USP16: variants seen among roughly 807,000 people sequenced by gnomAD.
USP16 encodes ubiquitin specific peptidase 16, also known as ubiquitin carboxyl-terminal hydrolase 16.
Under a neutral mutation model 95.9 loss-of-function variants are expected in USP16, and 77 were observed. The observed-to-expected ratio is 0.80, with a 90% CI of 0.67 to 0.97. The LOEUF is 0.97. USP16 is among the 50% of genes least tolerant of loss of function. USP16 has a pLI of 0.00. For missense variants in USP16, 943 were observed against 959.9 expected (o/e 0.98, Z 0.23); for synonymous variants, 303 against 318.2 (o/e 0.95, Z 0.51).
Position 29,039,035 on chromosome 21 carries a change from G to C in USP16, c.742G>C (p.Glu248Gln). 6.5e-7 allele frequency: 1 copy of C among 1,537,208 alleles called. No individual in the cohort carries two copies. The highest frequency in any genetic ancestry group is 8.8e-7 in the Non-Finnish European group (1 of 1,142,606). The change falls in exon 8 of 18, where the codon GAA (glutamate) becomes CAA (glutamine). Residue 248 changes from glutamate to glutamine, a missense_variant. Coordinates refer to ENST00000399976, the MANE Select transcript of USP16 (RefSeq NM_006447.3). ...PPDLALTEPL[E>Q]INLEPPGPLT... ...CTTTTCCCATATTCAGGAACCATTA[G>C]AAATAAACCTTGAGCCTCCAGGCCC...
At chr21:29,041,946 T>C in intron 10 of USP16, 67 bp from the exon 11 acceptor site, 1 of 1,368,044 alleles carries the variant, frequency 7.3e-7, no homozygotes, top group Non-Finnish European at 1.0e-6. Flanking sequence ...TAAGTAGTTT[T>C]AGCTTTTCTT....
chr21:29,028,860 A>G (rs2085034220), intron 2 of USP16, among the ~76,000 whole-genome samples: 1 of 152,232 alleles, frequency 6.6e-6, no homozygotes, highest in African/African-American at 2.4e-5. Flanking sequence ...TAGTATTATG[A>G]ATGGCTCAGT....
chr21:29,040,602 C>T lies in USP16; in HGVS notation c.952-7C>T. The T allele has an allele frequency of 1.4e-6, 2 of 1,416,558 alleles. No individual in the cohort carries two copies. The highest frequency in any genetic ancestry group is 1.3e-5 in the South Asian group (1 of 78,960). 87.7% of individuals were successfully genotyped at this position (1,416,558 alleles called of 1,614,324 possible). ...TAGTATATATATATCCATTTTATTA[C>T]TTTTAGAGAGTGAGTAAAGGAATAC... On this transcript the variant is annotated splice_region_variant and splice_polypyrimidine_tract_variant and intron_variant, in intron 9 of 17. Coordinates refer to ENST00000399976, the MANE Select transcript of USP16 (RefSeq NM_006447.3).
chr21:29,053,690 G>A, intron 16 of USP16, 112 bp from the exon 17 acceptor site: 1 of 1,059,228 alleles, frequency 9.4e-7, no homozygotes, highest in Non-Finnish European at 1.4e-6. Context: ...AATGATTTCT[G>A]CACTCTCAAA....
chr21:29,047,132 G>A lies in USP16; in HGVS notation c.1822G>A (p.Val608Ile). ...SHTPGTKVYEVVNEDPETAFC... is the reference protein window; with the variant it reads ...SHTPGTKVYEIVNEDPETAFC... ...TACTCCTGGAACAAAGGTGTATGAG[G>A]TTGTAAATGAAGATCCAGAAACTGC... Residue 608 changes from valine to isoleucine, a missense_variant, in exon 14 of 18, where the codon GTT (valine) becomes ATT (isoleucine). Val to Ile is a conservative substitution (Grantham distance 29, BLOSUM62 3). Coordinates refer to ENST00000399976, the MANE Select transcript of USP16 (RefSeq NM_006447.3). 1.2e-6 allele frequency: 2 copies of A among 1,614,088 alleles called. No homozygotes were observed. The highest frequency in any genetic ancestry group is 1.7e-6 in the Non-Finnish European group (2 of 1,180,006).
chr21:29,028,153 G>C (rs144699960), intron 2 of USP16, among the ~76,000 whole-genome samples, 179 bp downstream of exon 2: 1 of 140,796 alleles, frequency 7.1e-6, no homozygotes, highest in Admixed American at 7.4e-5. Context: ...AAAGAATCTC[G>C]CTCTGTTGCC....
In USP16 at chr21:29,039,040, A is replaced by C. The variant is rs2085204057; in HGVS notation, c.747A>C (p.Ile249=). The C allele has an allele frequency of 6.5e-7, 1 of 1,543,698 alleles. No homozygotes were observed. Among genetic ancestry groups the C allele is most frequent in the Non-Finnish European group, 8.7e-7 (1 of 1,145,654 alleles). ...CCCATATTCAGGAACCATTAGAAAT[A>C]AACCTTGAGCCTCCAGGCCCTCTTA... The part of the protein sequence containing the change: ...PDLALTEPLE[I]NLEPPGPLTL... The change falls in exon 8 of 18, where the codon ATA becomes ATC. Residue 249 remains isoleucine, a synonymous_variant. Coordinates refer to ENST00000399976, the MANE Select transcript of USP16 (RefSeq NM_006447.3).
In USP16 at chr21:29,036,154, C is replaced by T. The variant is rs535107984; in HGVS notation, c.345-117C>T. 35 of 778,978 alleles carry T rather than the reference C, an allele frequency of 4.5e-5. No homozygotes were observed. In the East Asian group the frequency reaches 4.6e-4, roughly 10 times the overall value. 48.3% of individuals were successfully genotyped at this position (778,978 alleles called of 1,614,324 possible). On this transcript the variant is annotated intron_variant, in intron 4 of 17. Coordinates refer to ENST00000399976, the MANE Select transcript of USP16 (RefSeq NM_006447.3). ...TTCAGGAAAACAGAATTTTTACGTT[C>T]GGTTTCTTTAATAGAATAAGTTGGC...
intron 7 of USP16, 60 bp downstream of exon 7, chr21:29,038,490 T>C: frequency 8.2e-7 from 1 of 1,226,864 alleles, no homozygotes; most frequent in Admixed American, 1.9e-5. Context: ...GTTTTCTAAA[T>C]TATTTTAAAT....
Position 29,038,535 on chromosome 21 carries a change from T to G in USP16, c.732+105T>G. The G allele has an allele frequency of 1.3e-5, 12 of 934,494 alleles. No homozygotes were observed. The South Asian group carries it at 1.9e-4, about 15-fold the overall frequency. The allele number at this position is 934,494 out of a possible 1,614,324, so 57.9% of individuals were successfully genotyped here. On this transcript the variant is annotated intron_variant, in intron 7 of 17. Coordinates refer to ENST00000399976, the MANE Select transcript of USP16 (RefSeq NM_006447.3). ...TCATTTCCACTGTTTTTGTTTGTTT[T>G]GTTTTACTTTAGGCTACTAACTTAA...
chr21:29,035,760 C>CA (rs890459265), intron 4 of USP16, among the ~76,000 whole-genome samples: 3 of 149,408 alleles, frequency 2.0e-5, no homozygotes, highest in Non-Finnish European at 3.0e-5. Context: ...ACTAAAAATA[C>CA]AAAAAAAAAG....
At chr21:29,029,396 G>C (rs2085045328) in intron 2 of USP16, among the ~76,000 whole-genome samples, 1 of 152,104 alleles carries the variant, frequency 6.6e-6, no homozygotes, top group Non-Finnish European at 1.5e-5. Flanking sequence ...CTGGGCAACA[G>C]AGCAAGACTC....
chr21:29,038,431 G>A lies in USP16; in HGVS notation c.732+1G>A. The stretch of plus-strand genomic sequence containing the variant: ...TGAACCACCTGATTTGGCATTAACA[G>A]TATGTTCTTTAAACTTTTCTAGTCT... On this transcript the variant is annotated splice_donor_variant, in intron 7 of 17. Transcript: ENST00000399976. LOFTEE classifies it high-confidence loss of function. 6.2e-7 allele frequency: 1 copy of A among 1,605,410 alleles called. No individual in the cohort carries two copies. Among genetic ancestry groups the A allele is most frequent in the East Asian group, 2.2e-5 (1 of 44,780 alleles).
intron 2 of USP16, among the ~76,000 whole-genome samples, chr21:29,029,646 C>T (rs374153931): frequency 6.6e-6 from 1 of 152,148 alleles, no homozygotes; most frequent in Non-Finnish European, 1.5e-5. Context: ...TATCTTGGCC[C>T]CAACAGAGTT....
intron 11 of USP16, 86 bp from the exon 12 acceptor site, chr21:29,042,386 C>T: frequency 7.6e-7 from 1 of 1,320,440 alleles, no homozygotes; most frequent in Non-Finnish European, 1.1e-6. Context: ...CCATCCCCTA[C>T]TCCCCATCCC....
Position 29,053,858 on chromosome 21 carries a change from CAG to C in USP16, c.2251_2252del (p.Ser751TrpfsTer19). The C allele has an allele frequency of 6.2e-7, 1 of 1,614,194 alleles. No homozygotes were observed. The highest frequency in any genetic ancestry group is 8.5e-7 in the Non-Finnish European group (1 of 1,180,034). On this transcript the variant is annotated frameshift_variant, in exon 17 of 18. Transcript: ENST00000399976. LOFTEE classifies it high-confidence loss of function. ...ATTCCTTATATGGAGTTGTTGAACA[CAG>C]TGGTACTATGAGGTCGGGGCATTAC... ...LYSLYGVVEH[S>X]GTMRSGHYTA...
chr21:29,044,043 G>A (rs113515348), intron 13 of USP16, among the ~76,000 whole-genome samples: 12 of 151,408 alleles, frequency 7.9e-5, no homozygotes, highest in Admixed American at 7.2e-4. Flanking sequence ...AGCAATTCTC[G>A]TGCCTCAGCC....
At chr21:29,044,239 C>T (rs2085288544) in intron 13 of USP16, among the ~76,000 whole-genome samples, 1 of 151,594 alleles carries the variant, frequency 6.6e-6, no homozygotes, top group Non-Finnish European at 1.5e-5. Context: ...CGGCCGACCA[C>T]CACTTTCCTT....
chr21:29,026,345 A>T (rs183982427), intron 1 of USP16, among the ~76,000 whole-genome samples: 3 of 151,166 alleles, frequency 2.0e-5, no homozygotes, highest in African/African-American at 7.3e-5. Context: ...AATCCCAGCT[A>T]TTCGGGAGGC....
Sources: allele counts gnomAD v4.1 joint callset (sites outside exome capture counted in the v4.1 genomes callset), GRCh38; gene constraint gnomAD v4.1.1; transcripts MANE v1.5; gene names NCBI Gene and HGNC (gene_info 2026-07-23, HGNC 2026-07-21).